Variants in CASKIN2 observed in about 807,000 individuals in gnomAD.
CASKIN2 encodes the protein caskin-2.
In CASKIN2, 41 loss-of-function variants were observed where a neutral mutation model predicts 107.1. The observed-to-expected ratio is 0.38, with a 90% CI of 0.30 to 0.50. The LOEUF (loss-of-function observed/expected upper bound fraction) is 0.50. CASKIN2 is among the 20% of genes least tolerant of loss of function. The pLI is 0.92. For synonymous variants in CASKIN2, 724 were observed against 705.6 expected, an observed-to-expected ratio of 1.03 and a Z score of -0.41; for missense variants, 1,546 against 1,657.4, an observed-to-expected ratio of 0.93 and a Z score of 1.17.
In CASKIN2 at chr17:75,505,679, T is replaced by C; in HGVS notation, c.836-28A>G. ...AAGAAAACGGGGTGGGGGACAGGTG[T>C]CATCTAAGGGTCCTTAGGGCATCTT... On this transcript the variant is annotated intron_variant, in intron 9 of 19. Coordinates refer to ENST00000321617, the MANE Select transcript of CASKIN2 (RefSeq NM_020753.5). This position sits in a 1 kb window ranked among gnomAD's most constrained non-coding sequence, Gnocchi z 5.1. The C allele has an allele frequency of 6.2e-7, 1 of 1,602,462 alleles. No homozygotes were observed. Among genetic ancestry groups the C allele is most frequent in the East Asian group, 2.2e-5 (1 of 44,828 alleles).
chr17:75,510,060 G>A (rs879564061), intron 2 of CASKIN2, among the ~76,000 whole-genome samples: 7 of 152,292 alleles, frequency 4.6e-5, no homozygotes, highest in African/African-American at 1.2e-4. Context: ...CTTCCCCTGC[G>A]GTACAACCTT....
At position 75,504,809 on chromosome 17, in the gene CASKIN2, T is replaced by C. The variant is rs1435328055; in HGVS notation, c.1192+3A>G. ...CCCAGCACTGCCCCCTGGGAGGATG[T>C]ACCTGGGCTGTCTGGGCTGAGGCCC... On this transcript the variant is annotated splice_donor_region_variant and intron_variant, in intron 11 of 19. Transcript: ENST00000321617. 6.2e-7 allele frequency: 1 copy of C among 1,608,416 alleles called. No homozygotes were observed. The highest frequency in any genetic ancestry group is 8.5e-7 in the Non-Finnish European group (1 of 1,178,042).
At chr17:75,511,459 G>GC (rs1342206585) in intron 2 of CASKIN2, among the ~76,000 whole-genome samples, 2 of 152,134 alleles carry the variant, frequency 1.3e-5, no homozygotes, top group Non-Finnish European at 2.9e-5. Context: ...GTGACTTTAG[G>GC]CAAGTCACTA....
Position 75,502,139 on chromosome 17 carries a change from C to T in CASKIN2, c.2935G>A (p.Gly979Ser), listed in dbSNP as rs773525453. The T allele has an allele frequency of 1.3e-4, 207 of 1,600,928 alleles. No homozygotes were observed. Among genetic ancestry groups the T allele is most frequent in the Middle Eastern group, 1.6e-4 (1 of 6,080 alleles). Residue 979 changes from glycine (G) to serine (S), a missense_variant, in exon 18 of 20, where the codon GGC becomes AGC. Transcript: ENST00000321617. This position sits in a 1 kb window ranked among gnomAD's most constrained non-coding sequence, Gnocchi z 4.3. Reference protein sequence around the residue: ...PPPRETPVPPGLDFNLTESDT... With the variant: ...PPPRETPVPPSLDFNLTESDT... ...GATTCCGTGAGGTTGAAATCGAGGC[C>T]GGGGGGCACGGGTGTCTCTCGGGGC...
At position 75,502,630 on chromosome 17, in the gene CASKIN2, G is replaced by A. The variant is rs1164087785; in HGVS notation, c.2444C>T (p.Ala815Val). ...TAGGGTGCTGCCCACTGGCCCTTCG[G>A]CCTCCCCCTCAGCATCCCCCTCTGT... ...GPTEGDAEGE[A>V]EGPVGSTLGS... Residue 815 changes from alanine (A) to valine (V), a missense_variant, in exon 18 of 20, where the codon GCC (alanine) becomes GTC (valine). Physicochemically the swap from Ala to Val is moderately conservative, Grantham distance 64 (BLOSUM62 0). This residue lies in a region of CASKIN2 where 1,311 missense variants were observed against 1,311.0 expected (regional missense o/e 1.00). Coordinates refer to ENST00000321617, the MANE Select transcript of CASKIN2 (RefSeq NM_020753.5). The surrounding 1 kb of genome is among the most constrained non-coding windows in gnomAD (Gnocchi z 4.3). 1.9e-6 allele frequency: 3 copies of A among 1,605,302 alleles called. No homozygotes were observed. Among genetic ancestry groups the A allele is most frequent in the African/African-American group, 2.7e-5 (2 of 74,708 alleles).
In CASKIN2 at chr17:75,506,544, C is replaced by T. The variant is rs1286420944; in HGVS notation, c.617+39G>A. Reference sequence around the variant, plus strand: ...GCACTGAGGGGCACCGATGGTCCCGCAGGCAGGTGATGAGGAAGCGAGGGG... The same window carrying T: ...GCACTGAGGGGCACCGATGGTCCCGTAGGCAGGTGATGAGGAAGCGAGGGG... On this transcript the variant is annotated intron_variant, in intron 7 of 19. Transcript: ENST00000321617. The surrounding 1 kb of genome is among the most constrained non-coding windows in gnomAD (Gnocchi z 4.8). The T allele has an allele frequency of 6.2e-7, 1 of 1,607,946 alleles. No homozygotes were observed. Among genetic ancestry groups the T allele is most frequent in the Admixed American group, 1.7e-5 (1 of 59,850 alleles).
At position 75,506,158 on chromosome 17, in the gene CASKIN2, G is replaced by T; in HGVS notation, c.726+147C>A. 1.3e-6 allele frequency: 1 copy of T among 754,706 alleles called. No individual in the cohort carries two copies. The highest frequency in any genetic ancestry group is 2.1e-6 in the Non-Finnish European group (1 of 468,094). 46.8% of individuals were successfully genotyped at this position (754,706 alleles called of 1,614,324 possible). On this transcript the variant is annotated intron_variant, in intron 8 of 19. Transcript: ENST00000321617. This position sits in a 1 kb window ranked among gnomAD's most constrained non-coding sequence, Gnocchi z 4.8. Reference sequence around the variant, plus strand: ...CCCCCGATCCATCTGCACCGCCTCGGCACCATTCAGAAGGAAGTCAGGCCT... The same window carrying T: ...CCCCCGATCCATCTGCACCGCCTCGTCACCATTCAGAAGGAAGTCAGGCCT...
In CASKIN2 at chr17:75,502,247, G is replaced by T. The variant is rs199928186; in HGVS notation, c.2827C>A (p.Arg943=). The T allele has an allele frequency of 2.0e-5, 32 of 1,561,128 alleles. No individual in the cohort carries two copies. Among genetic ancestry groups the T allele is most frequent in the Non-Finnish European group, 2.7e-5 (31 of 1,158,584 alleles). Residue 943 remains arginine (R), a synonymous_variant, in exon 18 of 20, where the codon CGG becomes AGG. Transcript: ENST00000321617. This position sits in a 1 kb window ranked among gnomAD's most constrained non-coding sequence, Gnocchi z 4.3. Reference sequence around the variant, plus strand: ...GGCAGCCCTTCCCCAGAGCTGCCCCGAGATGGGGGCGTCCCCTCAGGGCCT... The same window carrying T: ...GGCAGCCCTTCCCCAGAGCTGCCCCTAGATGGGGGCGTCCCCTCAGGGCCT... The part of the protein sequence containing the change: ...EPGPEGTPPS[R]GSSGEGLPFA...
At position 75,501,862 on chromosome 17, in the gene CASKIN2, A is replaced by G. The variant is rs559845620; in HGVS notation, c.3212T>C (p.Leu1071Pro). The G allele has an allele frequency of 5.4e-5, 84 of 1,561,658 alleles. No individual in the cohort carries two copies. In the South Asian group the frequency reaches 8.7e-4, roughly 16 times the overall value. ...PPVPPCPGPG[L>P]ESSAASRWNG... ...CCACCGACTAGCTGCTGAGCTTTCC[A>G]GACCTGGCCCTGGGCAGGGCGGCAC... is the stretch of plus-strand genomic sequence containing the variant. Residue 1071 changes from leucine to proline, a missense_variant, in exon 18 of 20, where the codon CTG becomes CCG. Coordinates refer to ENST00000321617, the MANE Select transcript of CASKIN2 (RefSeq NM_020753.5).
In CASKIN2 at chr17:75,506,628, G is replaced by A. The variant is rs778177236; in HGVS notation, c.572C>T (p.Thr191Met). The change falls in exon 7 of 20, where the codon ACG becomes ATG. Residue 191 changes from threonine (T) to methionine (M), a missense_variant. Thr to Met is a moderately conservative substitution (Grantham distance 81). Around this residue, in one of 6 missense-constraint regions of CASKIN2, gnomAD observed 31 missense variants for 28.7 expected, o/e 1.08. Transcript: ENST00000321617. The surrounding 1 kb of genome is among the most constrained non-coding windows in gnomAD (Gnocchi z 4.8). ...ATTCTTGGCAGCCAAGTGCAGGGGC[G>A]TGGTGTAGTTGGGGTCACACGGGTC... ...AKDPCDPNYT[T>M]PLHLAAKNGH... The A allele has an allele frequency of 1.1e-5, 17 of 1,613,100 alleles. No homozygotes were observed. The highest frequency in any genetic ancestry group is 1.6e-4 in the Middle Eastern group (1 of 6,084).
Position 75,500,282 on chromosome 17 carries a change from T to A in CASKIN2, c.*798A>T, listed in dbSNP as rs2053149376. 1 of 152,176 alleles carries A rather than the reference T, an allele frequency of 6.6e-6. No homozygotes were observed. The highest frequency in any genetic ancestry group is 1.5e-5 in the Non-Finnish European group (1 of 68,074). The allele number at this position is 152,176 out of a possible 1,614,324, so 9.4% of individuals were successfully genotyped here. A position where few individuals can be genotyped will look rare whatever the true frequency, so the allele number is the denominator to read the frequency against. On this transcript the variant is annotated 3_prime_UTR_variant, in exon 20 of 20. Coordinates refer to ENST00000321617, the MANE Select transcript of CASKIN2 (RefSeq NM_020753.5). ...CCAGTCACGTGGAATGGTGTTTTCA[T>A]TGGTGTTAGTTGGGGGAAGAGGTTA...
rs1223184001 is a variant in CASKIN2 at position 75,504,675 on chromosome 17, A to G, written c.1211T>C (p.Val404Ala). 2 of 1,599,458 alleles carry G rather than the reference A, an allele frequency of 1.3e-6. No homozygotes were observed. The highest frequency in any genetic ancestry group is 1.7e-4 in the Middle Eastern group (1 of 6,024). ...PDSPAGDRNSVGSEGSVGSIR... is the reference protein window; with the variant it reads ...PDSPAGDRNSAGSEGSVGSIR... ...GCTGCCCACGCTGCCCTCACTGCCC[A>G]CACTATTCCTGTCACCTGCTGTGGG... The change falls in exon 12 of 20, where the codon GTG becomes GCG. Residue 404 changes from valine (V) to alanine (A), a missense_variant. This residue lies in a region of CASKIN2 where 1,311 missense variants were observed against 1,311.0 expected (regional missense o/e 1.00). Transcript: ENST00000321617.
In CASKIN2 at chr17:75,505,728, C is replaced by T; in HGVS notation, c.836-77G>A. On this transcript the variant is annotated intron_variant, in intron 9 of 19. Coordinates refer to ENST00000321617, the MANE Select transcript of CASKIN2 (RefSeq NM_020753.5). This position sits in a 1 kb window ranked among gnomAD's most constrained non-coding sequence, Gnocchi z 5.1. ...TTCCCACCCCTCATGCCCTTGACAA[C>T]CCTCCCCCAGGGACGTCCACTCCCC... 1 of 1,556,468 alleles carries T rather than the reference C, an allele frequency of 6.4e-7. No homozygotes were observed. Among genetic ancestry groups the T allele is most frequent in the Non-Finnish European group, 8.8e-7 (1 of 1,134,542 alleles).
At position 75,506,882 on chromosome 17, in the gene CASKIN2, G is replaced by A; in HGVS notation, c.403C>T (p.Leu135Phe). The A allele has an allele frequency of 1.9e-6, 3 of 1,611,912 alleles. No individual in the cohort carries two copies. Among genetic ancestry groups the A allele is most frequent in the Non-Finnish European group, 2.5e-6 (3 of 1,179,148 alleles). Residue 135 changes from leucine to phenylalanine, a missense_variant, in exon 6 of 20, where the codon CTC (leucine) becomes TTC (phenylalanine). Leu to Phe is a conservative substitution (Grantham distance 22). Transcript: ENST00000321617. The surrounding 1 kb of genome is among the most constrained non-coding windows in gnomAD (Gnocchi z 4.8). The stretch of plus-strand genomic sequence containing the variant: ...AGGCATGGGTTGGACTGATGCTGGA[G>A]GAGCATTTCTGACTGGGGTTGGGGG... ...YGHYEVSEML[L>F]QHQSNPCLVN... is the part of the protein sequence containing the mutation.
At position 75,507,066 on chromosome 17, in the gene CASKIN2, C is replaced by T. The variant is rs372950574; in HGVS notation, c.308G>A (p.Arg103His). 1.3e-5 allele frequency: 21 copies of T among 1,612,040 alleles called. No individual in the cohort carries two copies. Among genetic ancestry groups the T allele is most frequent in the African/African-American group, 5.3e-5 (4 of 74,918 alleles). The change falls in exon 5 of 20, where the codon CGC becomes CAC. Residue 103 changes from arginine (R) to histidine (H), a missense_variant. Around this residue, in one of 6 missense-constraint regions of CASKIN2, gnomAD observed 136 missense variants for 198.6 expected, o/e 0.68. Transcript: ENST00000321617. ...GRLEPVRLLL[R>H]ASAAVNAASL... ...GGCGGCATTGACAGCCGCAGAGGCG[C>T]GCAGCAGCAGCCTCACAGGCTCCAG... is the stretch of plus-strand genomic sequence containing the variant.
At chr17:75,513,684 G>A (rs372578910) in intron 2 of CASKIN2, 27 bp downstream of exon 2, 61 of 1,558,296 alleles carry the variant, frequency 3.9e-5, no homozygotes, top group Admixed American at 2.3e-4. Context: ...CGGCCTCAGC[G>A]GGATGCTCGT....
rs2053261782 is a variant in CASKIN2, at chr17:75,506,052, G to A, written c.727-123C>T. ...CGATTTTACAGATGAGGACATAGAG[G>A]CTCAGGGACTCAGTCAAGGACAAGC... On this transcript the variant is annotated intron_variant, in intron 8 of 19. Transcript: ENST00000321617. This position sits in a 1 kb window ranked among gnomAD's most constrained non-coding sequence, Gnocchi z 4.8. 1.2e-6 allele frequency: 1 copy of A among 828,742 alleles called. No homozygotes were observed. Among genetic ancestry groups the A allele is most frequent in the Non-Finnish European group, 1.9e-6 (1 of 526,446 alleles). 51.3% of individuals were successfully genotyped at this position (828,742 alleles called of 1,614,324 possible). A position where few individuals can be genotyped will look rare whatever the true frequency, so the allele number is the denominator to read the frequency against.
Position 75,503,685 on chromosome 17 carries a change from C to T in CASKIN2, c.1654G>A (p.Ala552Thr), listed in dbSNP as rs199598803. The T allele has an allele frequency of 5.6e-5, 91 of 1,612,226 alleles. No homozygotes were observed. Among genetic ancestry groups the T allele is most frequent in the Admixed American group, 1.0e-4 (6 of 60,014 alleles). Residue 552 changes from alanine to threonine, a missense_variant, in exon 16 of 20, where the codon GCC becomes ACC. Transcript: ENST00000321617. ...GGGATGTAGCTGGGCAGCCACTCGG[C>T]GATGCTGAGCTGAGCGATCTCTGAG... ...IASEIAQLSIAEWLPSYIPTD... is the reference protein window; with the variant it reads ...IASEIAQLSITEWLPSYIPTD...
chr17:75,502,304 C>T lies in CASKIN2; in HGVS notation c.2770G>A (p.Gly924Arg), dbSNP rs1567992125. Residue 924 changes from glycine to arginine, a missense_variant, in exon 18 of 20, where the codon GGG becomes AGG. Transcript: ENST00000321617. The surrounding 1 kb of genome is among the most constrained non-coding windows in gnomAD (Gnocchi z 4.3). ...SEPPGPPAPAGPASDTEEEEP... is the reference protein window; with the variant it reads ...SEPPGPPAPARPASDTEEEEP... ...TCCTCCTCCGTGTCTGACGCGGGCC[C>T]AGCCGGGGCAGGTGGGCCAGGGGGC... The T allele has an allele frequency of 2.7e-6, 4 of 1,491,076 alleles. No homozygotes were observed. Among genetic ancestry groups the T allele is most frequent in the Non-Finnish European group, 3.6e-6 (4 of 1,123,856 alleles). The allele number at this position is 1,491,076 out of a possible 1,614,324, so 92.4% of individuals were successfully genotyped here. A position where few individuals can be genotyped will look rare whatever the true frequency, so the allele number is the denominator to read the frequency against.
Sources: gnomAD v4.1 joint callset for allele counts (sites outside exome capture counted in the v4.1 genomes callset) on GRCh38, gnomAD v4.1.1 for gene constraint, gnomAD v4.1.1 regional missense constraint, Gnocchi (gnomAD v3.1) non-coding constraint, MANE v1.5 for transcripts, NCBI Gene and HGNC (gene_info 2026-07-23, HGNC 2026-07-21) for gene names.